MACROD2: variants seen among roughly 807,000 people sequenced by gnomAD.
The protein encoded by MACROD2 is ADP-ribose glycohydrolase MACROD2.
Under a neutral mutation model 70.4 loss-of-function variants are expected in MACROD2, and 36 were observed. That is an observed-to-expected ratio of 0.51 (90% CI 0.39 to 0.68). MACROD2 has a LOEUF of 0.68. MACROD2 is among the 30% of genes least tolerant of loss of function. The pLI is 0.00. For missense variants in MACROD2, 496 were observed against 538.4 expected (o/e 0.92, Z 0.78); for synonymous variants, 172 against 178.8 (o/e 0.96, Z 0.30).
At chr20:15,789,087 T>C (rs2051978185) in intron 8 of MACROD2, among the ~76,000 whole-genome samples, 1 of 152,204 alleles carries the variant, frequency 6.6e-6, no homozygotes, top group Non-Finnish European at 1.5e-5. Context: ...AGCTCAGGAC[T>C]TCTACAGAAG....
chr20:14,817,048 A>C (rs1380611235), intron 5 of MACROD2, among the ~76,000 whole-genome samples: 3 of 152,238 alleles, frequency 2.0e-5, no homozygotes, highest in Admixed American at 1.3e-4. Context: ...GATTTTCAAA[A>C]TGTTATTCGA....
chr20:14,110,158 A>G (rs1038001707), intron 3 of MACROD2, among the ~76,000 whole-genome samples: 45 of 151,958 alleles, frequency 3.0e-4, no homozygotes, highest in African/African-American at 9.7e-4. Context: ...CTGAAACAGC[A>G]TTTGATAAAA....
chr20:14,680,985 A>G (rs1466607559), intron 4 of MACROD2, among the ~76,000 whole-genome samples: 2 of 152,220 alleles, frequency 1.3e-5, no homozygotes, highest in Non-Finnish European at 2.9e-5. Context: ...AGCAAAAGAC[A>G]TGAGCAGATA....
At chr20:14,248,047 G>A (rs1250160237) in intron 3 of MACROD2, among the ~76,000 whole-genome samples, 3 of 152,114 alleles carry the variant, frequency 2.0e-5, no homozygotes, top group Non-Finnish European at 4.4e-5. Context: ...GTGCTGCTTA[G>A]CTACACTTAA....
intron 5 of MACROD2, among the ~76,000 whole-genome samples, chr20:14,735,521 T>C (rs576800807): frequency 3.9e-5 from 6 of 152,192 alleles, no homozygotes; most frequent in African/African-American, 1.4e-4. Flanking sequence ...AGAAATTGAA[T>C]GGACCCTGCA....
At chr20:14,849,185 G>A (rs1027030323) in intron 5 of MACROD2, among the ~76,000 whole-genome samples, 1 of 152,158 alleles carries the variant, frequency 6.6e-6, no homozygotes, top group Non-Finnish European at 1.5e-5. Context: ...TCAATTAGAT[G>A]TTAGGATATG....
chr20:14,200,503 C>A lies in MACROD2; in HGVS notation c.271+114775C>A, dbSNP rs1169493377. On this transcript the variant is annotated intron_variant, in intron 3 of 17. Transcript: ENST00000684519. ...CCATGACACAAGTTTACCTATGTAA[C>A]AAACCTGGACATGTACCCCTGAACT... 2.0e-5 allele frequency among the ~76,000 whole-genome samples: 3 copies of A among 152,238 alleles called. No individual in the cohort carries two copies. In the East Asian group the frequency reaches 5.8e-4, roughly 29 times the overall value.
chr20:14,982,229 A>G (rs1262602705), intron 5 of MACROD2, among the ~76,000 whole-genome samples: 1 of 152,178 alleles, frequency 6.6e-6, no homozygotes, highest in Non-Finnish European at 1.5e-5. Context: ...AACATTCAAG[A>G]GGTGACTTGG....
Position 14,763,016 on chromosome 20 carries a change from G to A in MACROD2, c.418+78057G>A, listed in dbSNP as rs147604077. Among the ~76,000 whole-genome samples the A allele has an allele frequency of 3.4e-3, 512 of 152,112 alleles. 3 individuals are homozygous for A. Among genetic ancestry groups the A allele is most frequent in the Admixed American group, 5.0e-3 (77 of 15,278 alleles). ...ACAATGTCAGAGTGCAGTTACCATC[G>A]AGAGCAGGAAAATAACAGAGAACAG... On this transcript the variant is annotated intron_variant, in intron 5 of 17. Transcript: ENST00000684519.
intron 5 of MACROD2, among the ~76,000 whole-genome samples, chr20:14,982,648 A>G (rs941753690): frequency 1.3e-5 from 2 of 152,194 alleles, no homozygotes; most frequent in African/African-American, 4.8e-5. Context: ...CAGCTTCCAC[A>G]TGGTGTTGAG....
intron 5 of MACROD2, among the ~76,000 whole-genome samples, chr20:14,688,376 G>A (rs2071026359): frequency 6.6e-6 from 1 of 152,144 alleles, no homozygotes; most frequent in Non-Finnish European, 1.5e-5. Context: ...GGTTGTATTT[G>A]AATTAATTAT....
chr20:15,585,190 CTTCT>C (rs2048580647), intron 8 of MACROD2, among the ~76,000 whole-genome samples: 1 of 148,760 alleles, frequency 6.7e-6, no homozygotes, highest in Non-Finnish European at 1.5e-5. Flanking sequence ...CTTTTTTCTT[CTTCT>C]TTTTTTTCTT....
chr20:15,229,988 C>A lies in MACROD2; in HGVS notation c.467C>A (p.Ser156Tyr), dbSNP rs774577026. The A allele has an allele frequency of 1.2e-6, 2 of 1,613,598 alleles. No homozygotes were observed. The change falls in exon 6 of 18, where the codon TCC (serine) becomes TAC (tyrosine). Residue 156 changes from serine to tyrosine, a missense_variant. Coordinates refer to ENST00000684519, the MANE Select transcript of MACROD2 (RefSeq NM_001351661.2). Reference protein sequence around the residue: ...GPIARGHINGSHKEDLANCYK... With the variant: ...GPIARGHINGYHKEDLANCYK... ...ATAGCCAGGGGCCATATTAATGGTT[C>A]CCACAAGGAAGACCTTGCAAATTGC...
At chr20:14,366,727 G>T (rs1400042878) in intron 3 of MACROD2, among the ~76,000 whole-genome samples, 1 of 152,076 alleles carries the variant, frequency 6.6e-6, no homozygotes, top group African/African-American at 2.4e-5. Context: ...GTGTCTTTTA[G>T]ATATGACTTA....
chr20:15,558,233 C>G (rs1218140535), intron 8 of MACROD2, among the ~76,000 whole-genome samples: 1 of 152,194 alleles, frequency 6.6e-6, no homozygotes, highest in African/African-American at 2.4e-5. Flanking sequence ...CACTAAAGAC[C>G]TCAGTGGCCA....
rs74658826 is a variant in MACROD2, at chr20:14,299,759, A to T, written c.272-193720A>T. Among the ~76,000 whole-genome samples, 7 of 152,296 alleles carry T rather than the reference A, an allele frequency of 4.6e-5. No homozygotes were observed. In the East Asian group the frequency reaches 1.4e-3, roughly 29 times the overall value. ...ATTTGCAAAGTACCTTTCAGTGTAG[A>T]AGGGATAAGATTACTTGTGGAATCC... On this transcript the variant is annotated intron_variant, in intron 3 of 17. Coordinates refer to ENST00000684519, the MANE Select transcript of MACROD2 (RefSeq NM_001351661.2).
intron 8 of MACROD2, among the ~76,000 whole-genome samples, chr20:15,642,003 A>G (rs541669183): frequency 6.6e-6 from 1 of 152,342 alleles, no homozygotes; most frequent in East Asian, 1.9e-4. Flanking sequence ...GCTTTGCTGC[A>G]AACAGTGCCT....
At chr20:15,898,890 C>T (rs1009720609) in intron 10 of MACROD2, among the ~76,000 whole-genome samples, 1 of 151,438 alleles carries the variant, frequency 6.6e-6, no homozygotes, top group African/African-American at 2.4e-5. Context: ...ATAGCACATA[C>T]CTACTATATA....
At chr20:14,627,264 C>A (rs908583315) in intron 4 of MACROD2, among the ~76,000 whole-genome samples, 1 of 152,150 alleles carries the variant, frequency 6.6e-6, no homozygotes, top group Admixed American at 6.5e-5. Flanking sequence ...TGATTCAAAA[C>A]TAATTCTCTC....
Sources: gnomAD v4.1 joint callset for allele counts (sites outside exome capture counted in the v4.1 genomes callset) on GRCh38, gnomAD v4.1.1 for gene constraint, MANE v1.5 for transcripts, NCBI Gene and HGNC (gene_info 2026-07-23, HGNC 2026-07-21) for gene names.